Variants in HHATL observed in about 807,000 individuals in gnomAD.
HHATL encodes the protein hedgehog acyltransferase like.
A neutral mutation model predicts 59.7 loss-of-function variants in HHATL; 49 were observed. The ratio of observed to expected loss-of-function variants is 0.82; its 90% CI spans 0.65 to 1.04. The LOEUF is 1.04. HHATL is among the 50% of genes least tolerant of loss of function. The pLI, the probability that HHATL is intolerant of heterozygous loss-of-function variation, is 0.00. For missense variants in HHATL, 605 were observed against 650.8 expected (o/e 0.93, Z 0.77); for synonymous variants, 238 against 257.3 (o/e 0.93, Z 0.72).
In HHATL at chr3:42,697,569, G is replaced by C. The variant is rs1344348880; in HGVS notation, c.804C>G (p.Phe268Leu). 1.2e-6 allele frequency: 2 copies of C among 1,614,000 alleles called. No homozygotes were observed. The highest frequency in any genetic ancestry group is 3.3e-5 in the Admixed American group (2 of 59,986). The change falls in exon 7 of 12, where the codon TTC becomes TTG. Residue 268 changes from phenylalanine to leucine, a missense_variant. Transcript: ENST00000441594. ...GGTCGCTGGGGATAGTGAGGATGTA[G>C]AAGAAGTGAAAGAAGATGTCGACGG... ...IMAVDIFFHF[F>L]YILTIPSDLK...
rs1230839485 is a variant in HHATL, at chr3:42,697,000, C to T, written c.1010+1G>A. On this transcript the variant is annotated splice_donor_variant, in intron 8 of 11. Coordinates refer to ENST00000441594, the MANE Select transcript of HHATL (RefSeq NM_020707.4). LOFTEE classifies it high-confidence loss of function. The stretch of plus-strand genomic sequence containing the variant: ...CCTCCCCCGTCCTGGCCAGCACTCA[C>T]GTTTCCGCAAAGACGTAGAGTGCGG... The T allele has an allele frequency of 1.7e-5, 27 of 1,608,746 alleles. No individual in the cohort carries two copies. The highest frequency in any genetic ancestry group is 3.4e-5 in the Admixed American group (2 of 59,654).
Position 42,700,799 on chromosome 3 carries a change from C to A in HHATL, c.28G>T (p.Ala10Ser). The change falls in exon 2 of 12, where the codon GCT (alanine) becomes TCT (serine). Residue 10 changes from alanine (A) to serine (S), a missense_variant. By Grantham distance (99) the Ala-to-Ser change is moderately conservative. Coordinates refer to ENST00000441594, the MANE Select transcript of HHATL (RefSeq NM_020707.4). MGIKTALPA[A>S]ELGLYSLVLS... is the part of the protein sequence containing the mutation. ...ACCAGAGAGTAGAGGCCCAGCTCAG[C>A]CGCCGGCAATGCTGTCTTGATGCCC... 2 of 1,613,898 alleles carry A rather than the reference C, an allele frequency of 1.2e-6. No individual in the cohort carries two copies. Among genetic ancestry groups the A allele is most frequent in the Non-Finnish European group, 1.7e-6 (2 of 1,179,870 alleles).
intron 7 of HHATL, among the ~76,000 whole-genome samples, 162 bp downstream of exon 7, chr3:42,697,346 A>G (rs910340651): frequency 6.6e-6 from 1 of 152,180 alleles, no homozygotes; most frequent in Non-Finnish European, 1.5e-5. Flanking sequence ...GATGAAGCTA[A>G]TGCCAAGACC....
At chr3:42,700,163 T>A (rs1391198363) in intron 2 of HHATL, among the ~76,000 whole-genome samples, 100 of 102,268 alleles carry the variant, frequency 9.8e-4, no homozygotes, top group Non-Finnish European at 2.7e-4. Context: ...GGTCCAGGAC[T>A]CTGTGTGTGT....
chr3:42,695,227 C>T lies in HHATL; in HGVS notation c.1047-1409G>A, dbSNP rs149882955. On this transcript the variant is annotated intron_variant, in intron 9 of 11. Transcript: ENST00000441594. Reference sequence around the variant, plus strand: ...CCATTCTTTGCCCAACTCCTCTTGACCTCCTGGCCCCCCAGCTTCAGTTCT... The same window carrying T: ...CCATTCTTTGCCCAACTCCTCTTGATCTCCTGGCCCCCCAGCTTCAGTTCT... 4.6e-4 allele frequency among the ~76,000 whole-genome samples: 70 copies of T among 152,336 alleles called. No homozygotes were observed. In the East Asian group the frequency reaches 0.012, roughly 26 times the overall value.
chr3:42,700,831 T>C lies in HHATL; in HGVS notation c.-5A>G. 1 of 1,607,360 alleles carries C rather than the reference T, an allele frequency of 6.2e-7. No homozygotes were observed. Among genetic ancestry groups the C allele is most frequent in the South Asian group, 1.1e-5 (1 of 90,902 alleles). On this transcript the variant is annotated 5_prime_UTR_variant, in exon 2 of 12. Coordinates refer to ENST00000441594, the MANE Select transcript of HHATL (RefSeq NM_020707.4). ...CAATGCTGTCTTGATGCCCATAGCCTGGACAGGGCTGGGGAGACAGGTTGG... is the reference window on the plus strand; with the variant it reads ...CAATGCTGTCTTGATGCCCATAGCCCGGACAGGGCTGGGGAGACAGGTTGG...
rs748921441 is a variant in HHATL at position 42,698,132 on chromosome 3, G to A, written c.693+10C>T. 1 of 1,612,932 alleles carries A rather than the reference G, an allele frequency of 6.2e-7. No homozygotes were observed. The highest frequency in any genetic ancestry group is 2.2e-5 in the East Asian group (1 of 44,864). On this transcript the variant is annotated intron_variant, in intron 6 of 11. Coordinates refer to ENST00000441594, the MANE Select transcript of HHATL (RefSeq NM_020707.4). Reference sequence around the variant, plus strand: ...GCCCTGTTCTAGAAGCCCACAGGGTGTCCCCTCACCTGAGCATGGAAGCGA... The same window carrying A: ...GCCCTGTTCTAGAAGCCCACAGGGTATCCCCTCACCTGAGCATGGAAGCGA...
Position 42,698,822 on chromosome 3 carries a change from A to T in HHATL, c.369T>A (p.Leu123=). The stretch of plus-strand genomic sequence containing the variant: ...CCACATAGAGGCCCACACAGTGACC[A>T]AGCAGCAGCAGCAGGTACCAAGGGC... The part of the protein sequence containing the change: ...TMGPWYLLLL[L]GHCVGLYVAS... Residue 123 remains leucine (L), a synonymous_variant, in exon 5 of 12, where the codon CTT becomes CTA. Coordinates refer to ENST00000441594, the MANE Select transcript of HHATL (RefSeq NM_020707.4). 6.2e-7 allele frequency: 1 copy of T among 1,613,886 alleles called. No homozygotes were observed. Among genetic ancestry groups the T allele is most frequent in the African/African-American group, 1.3e-5 (1 of 75,066 alleles).
chr3:42,699,215 C>T, intron 3 of HHATL, 70 bp from the exon 4 acceptor site: 1 of 1,048,232 alleles, frequency 9.5e-7, no homozygotes, highest in Non-Finnish European at 1.5e-6. Context: ...GAGCTGGAAC[C>T]TGGGCTGGTC....
chr3:42,697,446 G>A, intron 7 of HHATL, 62 bp downstream of exon 7: 1 of 1,550,804 alleles, frequency 6.4e-7, no homozygotes, highest in Non-Finnish European at 8.8e-7. Context: ...CACCGTGGGG[G>A]TGCAGAGGGT....
At position 42,692,953 on chromosome 3, in the gene HHATL, C is replaced by G. The variant is rs975253553; in HGVS notation, c.1391-78G>C. 3.5e-5 allele frequency: 56 copies of G among 1,583,262 alleles called. No homozygotes were observed. The African/African-American group carries it at 7.0e-4, about 20-fold the overall frequency. ...ACTTTTGTCTTCCCACCCCTCTCCC[C>G]GCTTGATGGGCCCTCCCTTCTGAGT... On this transcript the variant is annotated intron_variant, in intron 11 of 11. Transcript: ENST00000441594.
At chr3:42,699,182 G>T in intron 3 of HHATL, 37 bp from the exon 4 acceptor site, 1 of 1,454,932 alleles carries the variant, frequency 6.9e-7, no homozygotes, top group Non-Finnish European at 9.7e-7. Context: ...TGGGGCAGGT[G>T]AGGGTGGGAG....
At chr3:42,700,073 C>T (rs1338200992) in intron 2 of HHATL, among the ~76,000 whole-genome samples, 78 of 104,400 alleles carry the variant, frequency 7.5e-4, no homozygotes, top group Middle Eastern at 0.018. Flanking sequence ...TGTCGGGGTC[C>T]AGGTCTCTGT....
At chr3:42,702,071 G>T (rs1228324881) in intron 1 of HHATL, among the ~76,000 whole-genome samples, 1 of 152,196 alleles carries the variant, frequency 6.6e-6, no homozygotes, top group South Asian at 2.1e-4. Flanking sequence ...TCAGGATTGG[G>T]TTTCTCAGTG....
In HHATL at chr3:42,697,562, G is replaced by A. The variant is rs146426905; in HGVS notation, c.811C>T (p.Leu271Phe). ...VDIFFHFFYI[L>F]TIPSDLKFAN... Reference sequence around the variant, plus strand: ...AACTTGAGGTCGCTGGGGATAGTGAGGATGTAGAAGAAGTGAAAGAAGATG... The same window carrying A: ...AACTTGAGGTCGCTGGGGATAGTGAAGATGTAGAAGAAGTGAAAGAAGATG... The change falls in exon 7 of 12, where the codon CTC becomes TTC. Residue 271 changes from leucine (L) to phenylalanine (F), a missense_variant. By Grantham distance (22) the Leu-to-Phe change is conservative. Coordinates refer to ENST00000441594, the MANE Select transcript of HHATL (RefSeq NM_020707.4). 1.2e-6 allele frequency: 2 copies of A among 1,614,020 alleles called. No individual in the cohort carries two copies. The highest frequency in any genetic ancestry group is 2.2e-5 in the East Asian group (1 of 44,888).
At chr3:42,697,814 A>C in intron 6 of HHATL, 135 bp from the exon 7 acceptor site, 1 of 931,488 alleles carries the variant, frequency 1.1e-6, no homozygotes, top group Admixed American at 2.8e-5. Context: ...GTGGAGACAG[A>C]GGTCACCCTG....
At chr3:42,699,195 G>C in intron 3 of HHATL, 50 bp from the exon 4 acceptor site, 2 of 1,352,096 alleles carry the variant, frequency 1.5e-6, no homozygotes, top group Non-Finnish European at 2.1e-6. Context: ...GGTGGGAGAG[G>C]GGACAGGACG....
intron 5 of HHATL, 143 bp downstream of exon 5, chr3:42,698,565 T>A: frequency 9.2e-7 from 1 of 1,082,854 alleles, no homozygotes; most frequent in Non-Finnish European, 1.3e-6. Context: ...GTGCTCACCT[T>A]GTGGCCAGGA....
chr3:42,697,550 TG>T lies in HHATL; in HGVS notation c.822del (p.Ser275AlafsTer17), dbSNP rs776481027. Reference protein sequence around the residue: ...FFHFFYILTIPSDLKFANRLP... With the variant: ...FFHFFYILTIXSDLKFANRLP... ...AGGCGGTTGGCGAACTTGAGGTCGC[TG>T]GGGATAGTGAGGATGTAGAAGAAGT... On this transcript the variant is annotated frameshift_variant, in exon 7 of 12. Transcript: ENST00000441594. LOFTEE classifies it high-confidence loss of function. 1 of 1,613,794 alleles carries T rather than the reference TG, an allele frequency of 6.2e-7. No homozygotes were observed. Among genetic ancestry groups the T allele is most frequent in the South Asian group, 1.1e-5 (1 of 91,046 alleles).
Sources: allele counts gnomAD v4.1 joint callset (sites outside exome capture counted in the v4.1 genomes callset), GRCh38; gene constraint gnomAD v4.1.1; transcripts MANE v1.5; gene names NCBI Gene and HGNC (gene_info 2026-07-23, HGNC 2026-07-21).